The following STRN variants were observed in gnomAD, a reference collection of about 807,000 sequenced individuals.
The protein encoded by STRN is protein phosphatase 2 regulatory subunit B'''alpha.
A neutral mutation model predicts 96.3 loss-of-function variants in STRN; 53 were observed. The ratio of observed to expected loss-of-function variants is 0.55; its 90% CI spans 0.44 to 0.69. The LOEUF (loss-of-function observed/expected upper bound fraction) is 0.69. Among genes scored for constraint, STRN ranks in the 30% least tolerant of loss-of-function variants. The pLI is 0.00. For synonymous variants in STRN, 428 were observed against 355.9 expected, an observed-to-expected ratio of 1.20 and a Z score of -2.28; for missense variants, 987 against 963.9, an observed-to-expected ratio of 1.02 and a Z score of -0.32.
intron 10 of STRN, among the ~76,000 whole-genome samples, chr2:36,874,367 A>T (rs142890303): frequency 7.2e-5 from 11 of 152,074 alleles, no homozygotes; most frequent in Non-Finnish European, 1.5e-4. Context: ...GATGAATCAT[A>T]AAAAAAATAA....
rs1222420301 is a variant in STRN, at chr2:36,846,713, T to C, written c.*2743A>G. On this transcript the variant is annotated 3_prime_UTR_variant, in exon 18 of 18. Coordinates refer to ENST00000263918, the MANE Select transcript of STRN (RefSeq NM_003162.4). ...TTAATGGCAAAAGTTGTTAAACTTG[T>C]TCAATAGAAAAATACTGAAGGTCAT... 2.0e-5 allele frequency: 3 copies of C among 151,918 alleles called. No homozygotes were observed. Among genetic ancestry groups the C allele is most frequent in the African/African-American group, 7.3e-5 (3 of 41,366 alleles). 9.4% of individuals were successfully genotyped at this position (151,918 alleles called of 1,614,324 possible).
At position 36,934,102 on chromosome 2, in the gene STRN, C is replaced by A. The variant is rs566869838; in HGVS notation, c.235-8894G>T. Among the ~76,000 whole-genome samples the A allele has an allele frequency of 8.5e-5, 13 of 152,090 alleles. No individual in the cohort carries two copies. In the South Asian group the frequency reaches 2.7e-3, roughly 32 times the overall value. ...CCAGCCTGGGTGACAGAGGGAGACT[C>A]CGTCTCGAAAGAAAAAAGAAAAAAA... On this transcript the variant is annotated intron_variant, in intron 1 of 17. Coordinates refer to ENST00000263918, the MANE Select transcript of STRN (RefSeq NM_003162.4).
At chr2:36,863,838 G>C (rs1018369279) in intron 12 of STRN, among the ~76,000 whole-genome samples, 2 of 152,166 alleles carry the variant, frequency 1.3e-5, no homozygotes, top group Non-Finnish European at 2.9e-5. Context: ...TCTTTGAGCA[G>C]TGTTTTGTAA....
chr2:36,861,311 G>T, intron 12 of STRN, 58 bp from the exon 13 acceptor site: 1 of 1,571,522 alleles, frequency 6.4e-7, no homozygotes, highest in South Asian at 1.2e-5. Flanking sequence ...CTGATAATAT[G>T]ACTTGTTAAA....
chr2:36,925,009 T>A, intron 2 of STRN, 96 bp downstream of exon 2: 1 of 1,100,094 alleles, frequency 9.1e-7, no homozygotes. Context: ...TGAGCCAAGA[T>A]CGTACCATTG....
chr2:36,894,468 T>G (rs1433286535), intron 6 of STRN, among the ~76,000 whole-genome samples: 3 of 152,218 alleles, frequency 2.0e-5, no homozygotes, highest in African/African-American at 7.2e-5. Flanking sequence ...TATGGTTCAT[T>G]TTTCTATATT....
chr2:36,874,973 T>A (rs957620767), intron 10 of STRN, among the ~76,000 whole-genome samples: 1 of 152,084 alleles, frequency 6.6e-6, no homozygotes, highest in African/African-American at 2.4e-5. Context: ...GTAAAATAAA[T>A]AATCCTAACT....
chr2:36,861,727 GTGAGCACA>G (rs1668485891), intron 12 of STRN, among the ~76,000 whole-genome samples: 1 of 56,296 alleles, frequency 1.8e-5, no homozygotes, highest in South Asian at 7.8e-4. Flanking sequence ...GTATCATTGC[GTGAGCACA>G]CACACACACA....
chr2:36,837,967 A>G lies in STRN; in HGVS notation c.*11489T>C, dbSNP rs1236015057. ...GCAGAATTCTAAGATGGCCCCCATG[A>G]ACTCTGCCCCTCATGTTACTTCCAT... is the stretch of plus-strand genomic sequence containing the variant. On this transcript the variant is annotated 3_prime_UTR_variant, in exon 18 of 18. Coordinates refer to ENST00000263918, the MANE Select transcript of STRN (RefSeq NM_003162.4). Among the ~76,000 whole-genome samples, 2 of 152,230 alleles carry G rather than the reference A, an allele frequency of 1.3e-5. No homozygotes were observed. The highest frequency in any genetic ancestry group is 4.8e-5 in the African/African-American group (2 of 41,462).
At chr2:36,897,707 G>A (rs1465279509) in intron 6 of STRN, among the ~76,000 whole-genome samples, 1 of 151,942 alleles carries the variant, frequency 6.6e-6, no homozygotes, top group Non-Finnish European at 1.5e-5. Flanking sequence ...AAAGTGCTGG[G>A]ATTACAGGTG....
chr2:36,908,556 T>C (rs1669879899), intron 3 of STRN, among the ~76,000 whole-genome samples: 1 of 152,120 alleles, frequency 6.6e-6, no homozygotes, highest in South Asian at 2.1e-4. Context: ...GTGAAAACAC[T>C]AAAAAGGGTG....
chr2:36,872,397 A>G (rs893479524), intron 10 of STRN, among the ~76,000 whole-genome samples: 1 of 152,192 alleles, frequency 6.6e-6, no homozygotes, highest in Non-Finnish European at 1.5e-5. Flanking sequence ...GATCCACCCT[A>G]CAAGTCAAGT....
At position 36,966,512 on chromosome 2, in the gene STRN, C is replaced by G. The variant is rs757540697; in HGVS notation, c.-49G>C. ...CTGCCCCGGCGCCCAGCAGCGGAGG[C>G]AACAGCGGCGGCAAGCAGCGCCTCC... is the stretch of plus-strand genomic sequence containing the variant. On this transcript the variant is annotated 5_prime_UTR_variant, in exon 1 of 18. Coordinates refer to ENST00000263918, the MANE Select transcript of STRN (RefSeq NM_003162.4). 1.1e-5 allele frequency: 14 copies of G among 1,316,048 alleles called. No individual in the cohort carries two copies. In the East Asian group the frequency reaches 1.9e-4, roughly 18 times the overall value. 81.5% of individuals were successfully genotyped at this position (1,316,048 alleles called of 1,614,324 possible).
At chr2:36,915,631 C>G (rs1401848463) in intron 3 of STRN, among the ~76,000 whole-genome samples, 1 of 152,156 alleles carries the variant, frequency 6.6e-6, no homozygotes, top group African/African-American at 2.4e-5. Flanking sequence ...CAGTTTTCCA[C>G]CTGAAACCGA....
rs1239925846 is a variant in STRN at position 36,842,854 on chromosome 2, G to GT, written c.*6601dup. Among the ~76,000 whole-genome samples the GT allele has an allele frequency of 6.6e-6, 1 of 152,160 alleles. No homozygotes were observed. The highest frequency in any genetic ancestry group is 1.5e-5 in the Non-Finnish European group (1 of 68,016). ...TGGAGTGTTCTGGTCATCCTGAGAA[G>GT]TAACAGGCGGAGGGATGCTCCATGA... On this transcript the variant is annotated 3_prime_UTR_variant, in exon 18 of 18. Coordinates refer to ENST00000263918, the MANE Select transcript of STRN (RefSeq NM_003162.4).
At chr2:36,873,047 C>A (rs1169694473) in intron 10 of STRN, among the ~76,000 whole-genome samples, 1 of 68,048 alleles carries the variant, frequency 1.5e-5, no homozygotes, top group South Asian at 6.5e-4. Flanking sequence ...AACTGATGAA[C>A]CTGCCACGAC....
Position 36,895,596 on chromosome 2 carries a change from T to C in STRN, c.796-1563A>G, listed in dbSNP as rs536494303. 4.5e-3 allele frequency among the ~76,000 whole-genome samples: 689 copies of C among 151,928 alleles called. 4 individuals are homozygous for C. Among genetic ancestry groups the C allele is most frequent in the Middle Eastern group, 0.01 (3 of 294 alleles). On this transcript the variant is annotated intron_variant, in intron 6 of 17. Transcript: ENST00000263918. ...TCTAATAATCTATTCTAATTTTCCC[T>C]AGGTAGCCAGACTAAGGTAGAAAGG... is the stretch of plus-strand genomic sequence containing the variant.
intron 1 of STRN, among the ~76,000 whole-genome samples, chr2:36,934,038 G>C (rs573028878): frequency 2.6e-5 from 4 of 152,160 alleles, no homozygotes; most frequent in Non-Finnish European, 5.9e-5. Flanking sequence ...GAACCTAGGA[G>C]GCAGAGCTTG....
At chr2:36,875,573 C>CA (rs60429541) in intron 10 of STRN, among the ~76,000 whole-genome samples, 3 of 144,128 alleles carry the variant, frequency 2.1e-5, no homozygotes, top group African/African-American at 5.2e-5. Flanking sequence ...CAAAAATTAC[C>CA]AAAAAAAAAG....
Sources: allele counts gnomAD v4.1 joint callset (sites outside exome capture counted in the v4.1 genomes callset), GRCh38; gene constraint gnomAD v4.1.1; transcripts MANE v1.5; gene names NCBI Gene and HGNC (gene_info 2026-07-23, HGNC 2026-07-21).